NTRK3: variants seen among roughly 807,000 people sequenced by gnomAD.
The protein encoded by NTRK3 is neurotrophic receptor tyrosine kinase 3, also known as NT-3 growth factor receptor.
In NTRK3, 24 loss-of-function variants were observed where a neutral mutation model predicts 91.7. The observed-to-expected ratio is 0.26, with a 90% CI of 0.19 to 0.37. NTRK3 has a LOEUF of 0.37. NTRK3 is among the 10% of genes least tolerant of loss of function. The pLI is 1.00. For missense variants in NTRK3, 880 were observed against 1,068.9 expected (o/e 0.82, Z 2.46); for synonymous variants, 483 against 404.0 (o/e 1.20, Z -2.34).
At chr15:87,901,163 C>T (rs1188003606) in intron 17 of NTRK3, among the ~76,000 whole-genome samples, 1 of 152,178 alleles carries the variant, frequency 6.6e-6, no homozygotes, top group Non-Finnish European at 1.5e-5. Flanking sequence ...CTCCATCTCT[C>T]TTTATAAACA....
Position 88,036,199 on chromosome 15 carries a change from T to TAC in NTRK3, c.1397-3156_1397-3155dup, listed in dbSNP as rs574550490. ...GAATGTATGTGCACATACACGCACA[T>TAC]ACACACACACACGTATATCAAGGCA... On this transcript the variant is annotated intron_variant, in intron 13 of 18. Transcript: ENST00000394480. Among the ~76,000 whole-genome samples, 266 of 151,698 alleles carry TAC rather than the reference T, an allele frequency of 1.8e-3. 1 individual carries two copies. Among genetic ancestry groups the TAC allele is most frequent in the Non-Finnish European group, 3.2e-3 (217 of 67,868 alleles).
chr15:87,949,879 T>C (rs576936510), intron 14 of NTRK3, among the ~76,000 whole-genome samples: 2 of 152,328 alleles, frequency 1.3e-5, no homozygotes, highest in South Asian at 4.1e-4. Flanking sequence ...TGCTGAAAGA[T>C]GAATCTCAGG....
At chr15:88,091,208 C>T (rs546099815) in intron 13 of NTRK3, among the ~76,000 whole-genome samples, 9 of 152,006 alleles carry the variant, frequency 5.9e-5, no homozygotes, top group Non-Finnish European at 1.2e-4. Context: ...CTTTTGTTAA[C>T]GGATGCCAAA....
chr15:87,969,321 G>T (rs1426074543), intron 14 of NTRK3, among the ~76,000 whole-genome samples: 1 of 152,146 alleles, frequency 6.6e-6, no homozygotes, highest in Non-Finnish European at 1.5e-5. Context: ...TCCCTTTAAG[G>T]GAAAGAGGTA....
intron 13 of NTRK3, among the ~76,000 whole-genome samples, chr15:88,115,636 C>T (rs977737857): frequency 3.3e-5 from 5 of 152,142 alleles, no homozygotes; most frequent in South Asian, 2.1e-4. Flanking sequence ...TAGAGAGGCT[C>T]GGCATTTCCA....
At chr15:87,974,837 C>A (rs1208986376) in intron 14 of NTRK3, among the ~76,000 whole-genome samples, 2 of 152,150 alleles carry the variant, frequency 1.3e-5, no homozygotes, top group Non-Finnish European at 2.9e-5. Context: ...GTGCTCATCC[C>A]TGAAGACCCC....
chr15:87,924,087 C>T (rs1018316495), intron 17 of NTRK3, among the ~76,000 whole-genome samples: 11 of 152,024 alleles, frequency 7.2e-5, no homozygotes, highest in African/African-American at 2.7e-4. Context: ...ATCCTAAGAG[C>T]TTTATATTTC....
intron 13 of NTRK3, among the ~76,000 whole-genome samples, chr15:88,092,689 G>A (rs2049135249): frequency 6.6e-6 from 1 of 152,212 alleles, no homozygotes; most frequent in Non-Finnish European, 1.5e-5. Context: ...CAGTAGGGCT[G>A]CACTCCCTCT....
intron 13 of NTRK3, among the ~76,000 whole-genome samples, chr15:88,054,800 T>C (rs1360501999): frequency 5.9e-5 from 9 of 152,174 alleles, no homozygotes; most frequent in African/African-American, 2.2e-4. Flanking sequence ...CAGCAAACAT[T>C]CAACAAGTGC....
chr15:88,049,606 T>C (rs1161805436), intron 13 of NTRK3, among the ~76,000 whole-genome samples: 1 of 152,196 alleles, frequency 6.6e-6, no homozygotes, highest in Non-Finnish European at 1.5e-5. Flanking sequence ...ATGTCAACCC[T>C]GGCCAAGAGG....
At chr15:88,093,037 T>G (rs1345043569) in intron 13 of NTRK3, among the ~76,000 whole-genome samples, 1 of 151,992 alleles carries the variant, frequency 6.6e-6, no homozygotes, top group Non-Finnish European at 1.5e-5. Flanking sequence ...TTTCTGGTTT[T>G]TTTTTTTTTG....
chr15:87,887,721 G>A (rs1237102553), intron 17 of NTRK3, among the ~76,000 whole-genome samples: 1 of 151,942 alleles, frequency 6.6e-6, no homozygotes, highest in Non-Finnish European at 1.5e-5. Context: ...TACGTCCCAT[G>A]GTAAAACTTA....
intron 13 of NTRK3, among the ~76,000 whole-genome samples, chr15:88,041,700 A>C (rs1232240076): frequency 1.3e-5 from 2 of 152,140 alleles, no homozygotes; most frequent in African/African-American, 4.8e-5. Context: ...TGTTTTAAGC[A>C]GTTGTGATTG....
chr15:88,161,241 C>G (rs556600675), intron 5 of NTRK3, among the ~76,000 whole-genome samples: 1 of 152,200 alleles, frequency 6.6e-6, no homozygotes, highest in East Asian at 1.9e-4. Flanking sequence ...ATCATCATCT[C>G]TGTTTTACAG....
chr15:88,160,326 T>C (rs541255952), intron 5 of NTRK3, among the ~76,000 whole-genome samples: 2 of 152,266 alleles, frequency 1.3e-5, no homozygotes, highest in Admixed American at 6.5e-5. Context: ...CCCATACCCC[T>C]GGTTGCCTGA....
chr15:87,982,210 A>C (rs1384940864), intron 14 of NTRK3, among the ~76,000 whole-genome samples: 1 of 152,168 alleles, frequency 6.6e-6, no homozygotes, highest in Non-Finnish European at 1.5e-5. Flanking sequence ...TCTTTCCAAG[A>C]TTCTAAAAGC....
chr15:87,883,470 T>A (rs923891614), intron 17 of NTRK3, among the ~76,000 whole-genome samples: 1 of 150,520 alleles, frequency 6.6e-6, no homozygotes, highest in African/African-American at 2.4e-5. Context: ...GCTATCATTA[T>A]AATGGAAAAC....
chr15:88,203,022 C>T (rs1220966214), intron 3 of NTRK3, among the ~76,000 whole-genome samples: 2 of 152,170 alleles, frequency 1.3e-5, no homozygotes, highest in Non-Finnish European at 2.9e-5. Context: ...CAGTGGCCAG[C>T]ACCTGCTTCT....
At chr15:88,227,002 C>T (rs1286396501) in intron 3 of NTRK3, among the ~76,000 whole-genome samples, 1 of 152,222 alleles carries the variant, frequency 6.6e-6, no homozygotes, top group African/African-American at 2.4e-5. Context: ...TCCACTTTCC[C>T]TCCTTTTACA....
Sources: allele counts gnomAD v4.1 joint callset (sites outside exome capture counted in the v4.1 genomes callset), GRCh38; gene constraint gnomAD v4.1.1; transcripts MANE v1.5; gene names NCBI Gene and HGNC (gene_info 2026-07-23, HGNC 2026-07-21).